The following TRIQK variants were observed in gnomAD, a reference collection of about 807,000 sequenced individuals.
TRIQK encodes triple QxxK/R motif-containing protein.
In TRIQK, 10 loss-of-function variants were observed where a neutral mutation model predicts 10.8. That is an observed-to-expected ratio of 0.92 (90% CI 0.57 to 1.57). TRIQK has a LOEUF of 1.57. Ranked by LOEUF, TRIQK falls within the 40% of genes most tolerant of loss-of-function variation. TRIQK has a pLI of 0.00. For missense variants in TRIQK, 107 were observed against 97.7 expected, an observed-to-expected ratio of 1.09 and a Z score of -0.40; for synonymous variants, 33 against 33.7, an observed-to-expected ratio of 0.98 and a Z score of 0.07.
intron 3 of TRIQK, among the ~76,000 whole-genome samples, chr8:92,900,341 A>G (rs1272465727): frequency 6.6e-6 from 1 of 152,064 alleles, no homozygotes; most frequent in East Asian, 1.9e-4. Flanking sequence ...TTTCCTGGAG[A>G]GTTTCCCCAA....
intron 2 of TRIQK, chr8:92,921,647 T>G (rs1267811751): frequency 1.3e-5 from 2 of 151,858 alleles, no homozygotes; most frequent in Non-Finnish European, 3.0e-5. Context: ...AACTTGTTTT[T>G]CTGTTTCATA....
chr8:92,955,290 C>T (rs1319895273), intron 1 of TRIQK, among the ~76,000 whole-genome samples: 1 of 151,680 alleles, frequency 6.6e-6, no homozygotes, highest in Admixed American at 6.6e-5. Context: ...TTAAAAATAG[C>T]AATTTTGGGG....
At chr8:92,945,189 C>A (rs1000094811) in intron 2 of TRIQK, among the ~76,000 whole-genome samples, 16 of 152,274 alleles carry the variant, frequency 1.1e-4, no homozygotes, top group Admixed American at 4.6e-4. Flanking sequence ...CAGTCACTTG[C>A]CCAATGGACA....
At position 92,991,863 on chromosome 8, in the gene TRIQK, GACAA is replaced by G. The variant is rs1336789652; in HGVS notation, c.-181+25742_-181+25745del. On this transcript the variant is annotated intron_variant, in intron 1 of 4. Transcript: ENST00000520686. ...CACACATTCCTATACACTAACGATA[GACAA>G]ACAGAGAGCCAAACCATGAGTGAAC... 5.9e-5 allele frequency among the ~76,000 whole-genome samples: 9 copies of G among 152,098 alleles called. No individual in the cohort carries two copies. In the East Asian group the frequency reaches 1.2e-3, roughly 20 times the overall value.
At chr8:92,989,806 T>C (rs912215769) in intron 1 of TRIQK, among the ~76,000 whole-genome samples, 1 of 152,154 alleles carries the variant, frequency 6.6e-6, no homozygotes, top group Non-Finnish European at 1.5e-5. Flanking sequence ...GCCAAAAAGA[T>C]TGGGACCACT....
At chr8:92,984,834 T>C (rs911721968) in intron 1 of TRIQK, among the ~76,000 whole-genome samples, 2 of 152,144 alleles carry the variant, frequency 1.3e-5, no homozygotes, top group Non-Finnish European at 2.9e-5. Context: ...ACTGTCTTCA[T>C]TATTTTTCCA....
intron 3 of TRIQK, 112 bp from the exon 4 acceptor site, chr8:92,892,186 C>G (rs780236889): frequency 7.1e-6 from 5 of 707,448 alleles, no homozygotes; most frequent in Non-Finnish European, 1.1e-5. Flanking sequence ...CACGGAGTTG[C>G]AAAGTAGTTC....
chr8:92,983,655 G>A (rs1266408908), intron 1 of TRIQK, among the ~76,000 whole-genome samples: 1 of 152,066 alleles, frequency 6.6e-6, no homozygotes, highest in African/African-American at 2.4e-5. Context: ...TCAGTCACAT[G>A]TTCTCACTTA....
intron 2 of TRIQK, among the ~76,000 whole-genome samples, chr8:92,921,943 C>A (rs1470036849): frequency 6.6e-6 from 1 of 151,760 alleles, no homozygotes; most frequent in South Asian, 2.1e-4. Flanking sequence ...AAAGCCATCT[C>A]CAACTTAATA....
In TRIQK at chr8:92,911,394, G is replaced by A. The variant is rs906367945; in HGVS notation, c.61+5535C>T. On this transcript the variant is annotated intron_variant, in intron 3 of 4. Coordinates refer to ENST00000521988, the MANE Select transcript of TRIQK (RefSeq NM_001171797.2). ...AAGAAATACAAAACAGACAGGAAAC[G>A]ATTAACAAAAAATGACAATAAAAAG... is the stretch of plus-strand genomic sequence containing the variant. Among the ~76,000 whole-genome samples the A allele has an allele frequency of 2.6e-5, 4 of 150,946 alleles. 1 individual carries two copies. The highest frequency in any genetic ancestry group is 6.4e-3 in the Middle Eastern group (2 of 314).
chr8:92,930,737 G>A (rs1015263114), intron 2 of TRIQK, among the ~76,000 whole-genome samples: 1 of 151,898 alleles, frequency 6.6e-6, no homozygotes, highest in Non-Finnish European at 1.5e-5. Context: ...TTGAAAACGG[G>A]GTTATGATCT....
chr8:92,975,526 G>C (rs1232398775), intron 1 of TRIQK, among the ~76,000 whole-genome samples: 2 of 151,988 alleles, frequency 1.3e-5, no homozygotes, highest in Non-Finnish European at 2.9e-5. Flanking sequence ...TAGAATTGTG[G>C]TGACCTCACT....
intron 1 of TRIQK, among the ~76,000 whole-genome samples, chr8:93,014,492 T>A (rs747762483): frequency 6.6e-6 from 1 of 152,104 alleles, no homozygotes; most frequent in Non-Finnish European, 1.5e-5. Flanking sequence ...TTAAATTAAA[T>A]AGATGTTTAT....
chr8:92,985,250 GCATGCA>G lies in TRIQK; in HGVS notation c.-180-30692_-180-30687del, dbSNP rs531801957. On this transcript the variant is annotated intron_variant, in intron 1 of 4. Coordinates refer to the TRIQK transcript ENST00000520686. ...TGTGTGTGTGTGTGTGCACGCGCAC[GCATGCA>G]CATGCACATGCACAAAACACAGAGA... Among the ~76,000 whole-genome samples the G allele has an allele frequency of 4.6e-3, 696 of 152,184 alleles. 1 individual carries two copies. Among genetic ancestry groups the G allele is most frequent in the Middle Eastern group, 6.8e-3 (2 of 294 alleles).
intron 1 of TRIQK, among the ~76,000 whole-genome samples, chr8:92,990,633 C>T (rs900029242): frequency 6.6e-5 from 10 of 152,082 alleles, no homozygotes; most frequent in Non-Finnish European, 1.2e-4. Context: ...AGTCGCTTCA[C>T]CTGGGAAGTG....
At position 92,898,999 on chromosome 8, in the gene TRIQK, CT is replaced by C. The variant is rs574697131; in HGVS notation, c.62-6926del. ...TGTTGCAAACAATCTGATTATACTACTTTTTTTTTTTTTTCTGGAGTCTCAC... is the reference window on the plus strand; with the variant it reads ...TGTTGCAAACAATCTGATTATACTACTTTTTTTTTTTTTCTGGAGTCTCAC... On this transcript the variant is annotated intron_variant, in intron 3 of 4. Coordinates refer to ENST00000521988, the MANE Select transcript of TRIQK (RefSeq NM_001171797.2). 3.4e-3 allele frequency among the ~76,000 whole-genome samples: 479 copies of C among 139,940 alleles called. 3 individuals carry two copies. The highest frequency in any genetic ancestry group is 9.8e-3 in the African/African-American group (377 of 38,460). The allele number at this position is 139,940 out of a possible 152,430, so 91.8% of individuals were successfully genotyped here. A position where few individuals can be genotyped will look rare whatever the true frequency, so the allele number is the denominator to read the frequency against.
intron 3 of TRIQK, among the ~76,000 whole-genome samples, chr8:92,904,621 G>A (rs1043604694): frequency 2.0e-5 from 3 of 152,060 alleles, no homozygotes; most frequent in Non-Finnish European, 2.9e-5. Flanking sequence ...TACTGCAAGA[G>A]GCTGTCTGTC....
chr8:92,955,265 A>G (rs547835656), intron 1 of TRIQK, among the ~76,000 whole-genome samples: 14 of 151,816 alleles, frequency 9.2e-5, no homozygotes, highest in Non-Finnish European at 1.9e-4. Context: ...TACTTTACTA[A>G]TTCTAATGAG....
Position 93,004,382 on chromosome 8 carries a change from A to C in TRIQK, c.-181+13227T>G, listed in dbSNP as rs185617090. 1.5e-3 allele frequency among the ~76,000 whole-genome samples: 221 copies of C among 152,332 alleles called. 1 individual carries two copies. Among genetic ancestry groups the C allele is most frequent in the East Asian group, 4.8e-3 (25 of 5,162 alleles). ...GCTGGATCTGGAGTGGCTGGGACAC[A>C]TCAGAGCACAGCCTTGGGCTTGGCC... On this transcript the variant is annotated intron_variant, in intron 1 of 4. Transcript: ENST00000520686.
Sources: gnomAD v4.1 joint callset for allele counts (sites outside exome capture counted in the v4.1 genomes callset) on GRCh38, gnomAD v4.1.1 for gene constraint, MANE v1.5 for transcripts, NCBI Gene and HGNC (gene_info 2026-07-23, HGNC 2026-07-21) for gene names.